LYPD5: variants seen among roughly 807,000 people sequenced by gnomAD.
LYPD5 encodes ly6/PLAUR domain-containing protein 5.
In LYPD5, 21 loss-of-function variants were observed where a neutral mutation model predicts 19.1. That is an observed-to-expected ratio of 1.10 (90% confidence interval 0.78 to 1.58). The LOEUF is 1.58. LYPD5 is among the 40% of genes most tolerant of loss of function. The pLI, the probability that LYPD5 is intolerant of heterozygous loss-of-function variation, is 0.00. For missense variants in LYPD5, 287 were observed against 329.8 expected (o/e 0.87, Z 1.00); for synonymous variants, 128 against 142.7 (o/e 0.90, Z 0.74).
At chr19:43,803,368 A>AGCT (rs1970244637), upstream of LYPD5, among the ~76,000 whole-genome samples, 1 of 152,242 alleles carries the variant, frequency 6.6e-6, no homozygotes, top group Admixed American at 6.5e-5. Context: ...AGGCCCCAGC[A>AGCT]GGTGGTTGGT....
At chr19:43,818,483 C>T (rs1265177505) in intron 1 of LYPD5, among the ~76,000 whole-genome samples, 1 of 152,200 alleles carries the variant, frequency 6.6e-6, no homozygotes, top group Non-Finnish European at 1.5e-5. Flanking sequence ...AATTCATCCA[C>T]TGGTTCATGA....
At chr19:43,816,832 G>T (rs1970379554) in intron 1 of LYPD5, among the ~76,000 whole-genome samples, 1 of 151,592 alleles carries the variant, frequency 6.6e-6, no homozygotes, top group Non-Finnish European at 1.5e-5. Context: ...TCTCATGATA[G>T]TGAATAAGTA....
chr19:43,814,605 A>C (rs1970355016), intron 1 of LYPD5, among the ~76,000 whole-genome samples: 1 of 152,212 alleles, frequency 6.6e-6, no homozygotes, highest in East Asian at 1.9e-4. Flanking sequence ...GTCCCGTAAT[A>C]TGATAATTTA....
chr19:43,802,240 C>G, intron 1 of LYPD5, 77 bp downstream of exon 1: 1 of 482,792 alleles, frequency 2.1e-6, no homozygotes, highest in African/African-American at 1.9e-5. Context: ...AGTCCAGGCC[C>G]CCAGTCTCTC....
At chr19:43,812,264 C>A (rs1353721256) in intron 1 of LYPD5, among the ~76,000 whole-genome samples, 1 of 152,026 alleles carries the variant, frequency 6.6e-6, no homozygotes, top group East Asian at 1.9e-4. Context: ...ACCAGGGTAT[C>A]CCAGAGTCAG....
chr19:43,808,033 C>G (rs760771545), intron 1 of LYPD5, among the ~76,000 whole-genome samples: 3 of 152,206 alleles, frequency 2.0e-5, no homozygotes, highest in Non-Finnish European at 4.4e-5. Context: ...ACAAAGTTAC[C>G]TGATCTGGTC....
upstream of LYPD5, among the ~76,000 whole-genome samples, chr19:43,802,667 A>G (rs1970238688): frequency 6.6e-6 from 1 of 152,080 alleles, no homozygotes; most frequent in Non-Finnish European, 1.5e-5. Context: ...CACCCCTCCC[A>G]GCACTCTGCT....
Position 43,798,694 on chromosome 19 carries a change from C to A in LYPD5, c.371-93G>T. On this transcript the variant is annotated intron_variant, in intron 3 of 4. Transcript: ENST00000377950. ...GCGCCAGAGCCCGCGCCTAGCACGT[C>A]TCGGGGGTTGGGATCCTAGCGCGCC... 3 of 1,585,192 alleles carry A rather than the reference C, an allele frequency of 1.9e-6. No homozygotes were observed. In the South Asian group the frequency reaches 3.4e-5, roughly 18 times the overall value.
At chr19:43,800,688 G>A (rs1324703431) in intron 1 of LYPD5, among the ~76,000 whole-genome samples, 7 of 152,182 alleles carry the variant, frequency 4.6e-5, no homozygotes, top group Non-Finnish European at 1.0e-4. Flanking sequence ...GAGGCCAGGG[G>A]TGGTGGCTCA....
At chr19:43,819,445 C>A (rs10408903) in intron 1 of LYPD5, among the ~76,000 whole-genome samples, 4 of 151,944 alleles carry the variant, frequency 2.6e-5, no homozygotes, top group Admixed American at 1.3e-4. Flanking sequence ...TTAGTTCTAG[C>A]GGGTTACAGT....
Position 43,815,844 on chromosome 19 carries a change from T to C in LYPD5, c.-66+4696A>G. The C allele has an allele frequency of 9.3e-6, 3 of 324,266 alleles. No individual in the cohort carries two copies. In the Admixed American group the frequency reaches 1.2e-4, roughly 13 times the overall value. 20.1% of individuals were successfully genotyped at this position (324,266 alleles called of 1,614,324 possible). On this transcript the variant is annotated intron_variant, in intron 1 of 4. Transcript: ENST00000414615. ...CCTCTGCTTCCCGACTTCAAGCGAT[T>C]CCCCTGCCTCAGCCTCCTGAGTAGC...
chr19:43,795,952 G>T lies in LYPD5; in HGVS notation c.*1639C>A, dbSNP rs1462557117. On this transcript the variant is annotated 3_prime_UTR_variant, in exon 5 of 5. Transcript: ENST00000377950. ...TGGCTTATACACAACAGAAATTTAT[G>T]TCTCATAGCTCTGGAGTCTGGGAAG... 6.6e-6 allele frequency: 1 copy of T among 152,178 alleles called. No homozygotes were observed. Among genetic ancestry groups the T allele is most frequent in the Non-Finnish European group, 1.5e-5 (1 of 68,036 alleles). The allele number at this position is 152,178 out of a possible 1,614,324, so 9.4% of individuals were successfully genotyped here. A position where few individuals can be genotyped will look rare whatever the true frequency, so the allele number is the denominator to read the frequency against.
rs984351523 is a variant in LYPD5 at position 43,796,875 on chromosome 19, G to A, written c.*716C>T. ...GTGAAGTAGTTCTTGTCATGTTATA[G>A]AGTTTATTTTCACCTCCACCTTATA... On this transcript the variant is annotated 3_prime_UTR_variant, in exon 5 of 5. Coordinates refer to ENST00000377950, the MANE Select transcript of LYPD5 (RefSeq NM_001031749.3). 5 of 152,208 alleles carry A rather than the reference G, an allele frequency of 3.3e-5. No homozygotes were observed. Among genetic ancestry groups the A allele is most frequent in the African/African-American group, 7.2e-5 (3 of 41,432 alleles). The allele number at this position is 152,208 out of a possible 1,614,324, so 9.4% of individuals were successfully genotyped here.
intron 1 of LYPD5, among the ~76,000 whole-genome samples, chr19:43,810,572 TCCC>T (rs1970313703): frequency 1.2e-5 from 1 of 84,362 alleles, no homozygotes; most frequent in Non-Finnish European, 2.2e-5. Context: ...TCCCCTCCCC[TCCC>T]CTCCCTTCCC....
chr19:43,814,070 T>G (rs545321848), intron 1 of LYPD5, among the ~76,000 whole-genome samples: 1 of 152,326 alleles, frequency 6.6e-6, no homozygotes, highest in South Asian at 2.1e-4. Flanking sequence ...ATCCACATAC[T>G]TCTTCCTAGA....
intron 1 of LYPD5, among the ~76,000 whole-genome samples, chr19:43,807,782 T>A (rs900740360): frequency 6.6e-6 from 1 of 152,164 alleles, no homozygotes; most frequent in African/African-American, 2.4e-5. Flanking sequence ...AAGGGTTCAG[T>A]GCACCCCAGG....
At chr19:43,815,254 A>C (rs1453978198) in intron 1 of LYPD5, among the ~76,000 whole-genome samples, 1 of 152,124 alleles carries the variant, frequency 6.6e-6, no homozygotes, top group Non-Finnish European at 1.5e-5. Context: ...CTGTAATCTC[A>C]GCACTTTGGG....
chr19:43,811,696 A>G (rs1970324926), intron 1 of LYPD5, among the ~76,000 whole-genome samples: 1 of 144,194 alleles, frequency 6.9e-6, no homozygotes, highest in African/African-American at 2.6e-5. Flanking sequence ...AGAAAGAAAG[A>G]AGGAAAGAGA....
At chr19:43,812,660 A>G (rs1970336439) in intron 1 of LYPD5, among the ~76,000 whole-genome samples, 1 of 152,190 alleles carries the variant, frequency 6.6e-6, no homozygotes, top group African/African-American at 2.4e-5. Context: ...TGCAGGGAAG[A>G]CCTACAAGGC....
Sources: gnomAD v4.1 joint callset for allele counts (sites outside exome capture counted in the v4.1 genomes callset) on GRCh38, gnomAD v4.1.1 for gene constraint, MANE v1.5 for transcripts, NCBI Gene and HGNC (gene_info 2026-07-23, HGNC 2026-07-21) for gene names.